BRD8: variants seen among roughly 807,000 people sequenced by gnomAD.
The protein encoded by BRD8 is bromodomain containing 8.
In BRD8, 67 loss-of-function variants were observed where a neutral mutation model predicts 143.1. That is an observed-to-expected ratio of 0.47 (90% CI 0.38 to 0.57). BRD8 has a LOEUF of 0.57. Among genes scored for constraint, BRD8 ranks in the 20% least tolerant of loss-of-function variants. BRD8 has a pLI of 0.00. For synonymous variants in BRD8, 505 were observed against 517.1 expected (o/e 0.98, Z 0.32); for missense variants, 1,103 against 1,503.0 (o/e 0.73, Z 4.40).
chr5:138,161,581 A>AT (rs1211505717), intron 17 of BRD8, among the ~76,000 whole-genome samples: 8 of 152,292 alleles, frequency 5.3e-5, no homozygotes, highest in African/African-American at 1.7e-4. Context: ...ACCCCCAAAG[A>AT]TTACAGGCGT....
intron 23 of BRD8, among the ~76,000 whole-genome samples, chr5:138,146,415 G>T (rs1752152677): frequency 6.6e-6 from 1 of 150,716 alleles, no homozygotes; most frequent in Non-Finnish European, 1.5e-5. Flanking sequence ...GAGTGCAGTA[G>T]TGTGATCGTG....
chr5:138,171,321 A>C, intron 4 of BRD8, 40 bp downstream of exon 4: 2 of 1,548,714 alleles, frequency 1.3e-6, no homozygotes, highest in Non-Finnish European at 1.8e-6. Flanking sequence ...AATACTCTCC[A>C]CTAAAGAAAT....
chr5:138,147,726 A>C (rs924196515), intron 23 of BRD8, among the ~76,000 whole-genome samples: 1 of 152,222 alleles, frequency 6.6e-6, no homozygotes, highest in Non-Finnish European at 1.5e-5. Context: ...GCTTGAGTCC[A>C]GGAGTTTGAG....
Position 138,169,354 on chromosome 5 carries a change from A to G in BRD8, c.510T>C (p.Arg170=), listed in dbSNP as rs1367815284. The change falls in exon 8 of 27, where the codon CGT becomes CGC. Residue 170 remains arginine (R), a synonymous_variant. Coordinates refer to ENST00000254900, the MANE Select transcript of BRD8 (RefSeq NM_139199.2). ...RKATDAAYQA[R]QAVKTPPRRL... is the part of the protein sequence containing the mutation. The stretch of plus-strand genomic sequence containing the variant: ...TCCGGGGGGGTGTTTTTACTGCTTG[A>G]CGAGCTAGAACATAAAAGAGAACAA... 2 of 1,613,202 alleles carry G rather than the reference A, an allele frequency of 1.2e-6. No individual in the cohort carries two copies. Among genetic ancestry groups the G allele is most frequent in the Non-Finnish European group, 1.7e-6 (2 of 1,179,760 alleles).
intron 3 of BRD8, 125 bp downstream of exon 3, chr5:138,171,940 A>G: frequency 1.3e-6 from 1 of 769,742 alleles, no homozygotes; most frequent in Non-Finnish European, 2.3e-6. Flanking sequence ...AAAAAGAAAA[A>G]GGTATTCTCA....
At chr5:138,140,649 C>G in intron 26 of BRD8, 56 bp downstream of exon 26, 1 of 1,552,138 alleles carries the variant, frequency 6.4e-7, no homozygotes, top group Non-Finnish European at 8.9e-7. Flanking sequence ...CACCTTTATT[C>G]TCATAGGCGT....
intron 25 of BRD8, among the ~76,000 whole-genome samples, chr5:138,144,912 A>ATATATATAT (rs1264815360): frequency 2.1e-5 from 3 of 143,510 alleles, no homozygotes; most frequent in African/African-American, 5.3e-5. Context: ...AAAAAAAAAA[A>ATATATATAT]AAAAAAATAT....
chr5:138,170,724 C>T, intron 6 of BRD8, 108 bp downstream of exon 6: 1 of 1,062,298 alleles, frequency 9.4e-7, no homozygotes, highest in Non-Finnish European at 1.4e-6. Context: ...CTTCCAGAAT[C>T]TGTCTCAAGT....
Position 138,160,056 on chromosome 5 carries a change from C to G in BRD8, c.2532+13G>C. On this transcript the variant is annotated intron_variant, in intron 19 of 26. Coordinates refer to ENST00000254900, the MANE Select transcript of BRD8 (RefSeq NM_139199.2). ...GGAACACTGGCACACAGGTTCCTTCCTGATCGCCTCACCTTCTCTGAAGCA... is the reference window on the plus strand; with the variant it reads ...GGAACACTGGCACACAGGTTCCTTCGTGATCGCCTCACCTTCTCTGAAGCA... 1 of 1,604,122 alleles carries G rather than the reference C, an allele frequency of 6.2e-7. No homozygotes were observed. The highest frequency in any genetic ancestry group is 8.5e-7 in the Non-Finnish European group (1 of 1,170,968).
chr5:138,178,487 G>A, intron 1 of BRD8, 109 bp downstream of exon 1: 1 of 1,032,352 alleles, frequency 9.7e-7, no homozygotes, highest in South Asian at 1.3e-5. Context: ...TGAAAACCCT[G>A]GGCTCTCAAG....
chr5:138,169,315 C>T lies in BRD8; in HGVS notation c.549G>A (p.Val183=), dbSNP rs1753687567. Reference sequence around the variant, plus strand: ...CAGAATCTATAGGAGAGCGAACCATCACAGTGGGTAACCTCCGGGGGGGTG... The same window carrying T: ...CAGAATCTATAGGAGAGCGAACCATTACAGTGGGTAACCTCCGGGGGGGTG... The part of the protein sequence containing the change: ...VKTPPRRLPT[V]MVRSPIDSAS... Residue 183 remains valine, a synonymous_variant, in exon 8 of 27, where the codon GTG becomes GTA. Coordinates refer to ENST00000254900, the MANE Select transcript of BRD8 (RefSeq NM_139199.2). 3 of 1,614,072 alleles carry T rather than the reference C, an allele frequency of 1.9e-6. No individual in the cohort carries two copies. The highest frequency in any genetic ancestry group is 1.7e-5 in the Admixed American group (1 of 60,006).
At chr5:138,174,244 T>C (rs1007660798) in intron 2 of BRD8, among the ~76,000 whole-genome samples, 1 of 152,002 alleles carries the variant, frequency 6.6e-6, no homozygotes, top group Non-Finnish European at 1.5e-5. Flanking sequence ...ATTACCTTAA[T>C]TGTGGATAGT....
chr5:138,164,630 A>G (rs1041829890), intron 12 of BRD8, 84 bp downstream of exon 12: 1 of 1,490,530 alleles, frequency 6.7e-7, no homozygotes, highest in Admixed American at 2.0e-5. Context: ...CAGGAATGCA[A>G]CTGGAAAACC....
At chr5:138,147,450 C>T (rs948682196) in intron 23 of BRD8, among the ~76,000 whole-genome samples, 1 of 151,590 alleles carries the variant, frequency 6.6e-6, no homozygotes, top group Non-Finnish European at 1.5e-5. Flanking sequence ...ACAGTTCATA[C>T]TATATTCTCT....
rs1339023167 is a variant in BRD8, at chr5:138,166,499, T to C, written c.997+19A>G. 3 of 1,544,030 alleles carry C rather than the reference T, an allele frequency of 1.9e-6. No individual in the cohort carries two copies. The highest frequency in any genetic ancestry group is 2.6e-6 in the Non-Finnish European group (3 of 1,141,312). On this transcript the variant is annotated intron_variant, in intron 10 of 26. Transcript: ENST00000254900. Reference sequence around the variant, plus strand: ...GCTCAAAATGAAATTTTAGATCTAGTGGCTGCTCAGGGACGCACCTGGAGC... The same window carrying C: ...GCTCAAAATGAAATTTTAGATCTAGCGGCTGCTCAGGGACGCACCTGGAGC...
intron 20 of BRD8, among the ~76,000 whole-genome samples, chr5:138,153,725 G>T (rs1284352570): frequency 1.4e-5 from 2 of 139,902 alleles, no homozygotes; most frequent in South Asian, 2.2e-4. Flanking sequence ...TGCCCAGGCT[G>T]GAGCACAATG....
intron 2 of BRD8, among the ~76,000 whole-genome samples, chr5:138,174,535 C>T (rs1754157878): frequency 6.6e-6 from 1 of 151,416 alleles, no homozygotes; most frequent in South Asian, 2.1e-4. Flanking sequence ...AGCAGAGGTT[C>T]CAGTGAGCCA....
At chr5:138,143,607 T>C (rs217261) in intron 25 of BRD8, among the ~76,000 whole-genome samples, 1 of 152,120 alleles carries the variant, frequency 6.6e-6, no homozygotes, top group African/African-American at 2.4e-5. Flanking sequence ...CACCAATCAG[T>C]GCTCTGTATC....
chr5:138,144,898 CAA>C (rs34496046), intron 25 of BRD8, among the ~76,000 whole-genome samples: 2,634 of 103,286 alleles, frequency 0.026, 19 homozygotes, highest in Non-Finnish European at 0.033. Context: ...GAGACCCTGT[CAA>C]AAAAAAAAAA....
Sources: gnomAD v4.1 joint callset for allele counts (sites outside exome capture counted in the v4.1 genomes callset) on GRCh38, gnomAD v4.1.1 for gene constraint, MANE v1.5 for transcripts, NCBI Gene and HGNC (gene_info 2026-07-23, HGNC 2026-07-21) for gene names.